Variants in STK32C observed in about 807,000 individuals in gnomAD.
STK32C encodes the protein serine/threonine kinase 32C, also known as serine/threonine-protein kinase 32C.
A neutral mutation model predicts 56.5 loss-of-function variants in STK32C; 31 were observed. The ratio of observed to expected loss-of-function variants is 0.55; its 90% CI spans 0.41 to 0.74. The LOEUF (loss-of-function observed/expected upper bound fraction) is 0.74, where lower values mean the gene tolerates loss of function less well. STK32C is among the 30% of genes least tolerant of loss of function. The probability of loss-of-function intolerance (pLI) is 0.00; values close to 1 mark genes in which losing one functional copy is unlikely to be tolerated. For missense variants in STK32C, 544 were observed against 676.9 expected (o/e 0.80, Z 2.18); for synonymous variants, 309 against 289.4 (o/e 1.07, Z -0.69).
At chr10:132,279,649 C>G (rs1000567159) in intron 1 of STK32C, among the ~76,000 whole-genome samples, 1 of 151,382 alleles carries the variant, frequency 6.6e-6, no homozygotes, top group Non-Finnish European at 1.5e-5. Flanking sequence ...CTGATCATGC[C>G]ACTCCTCCAT....
chr10:132,284,768 C>CA (rs1342167920), intron 1 of STK32C, among the ~76,000 whole-genome samples: 1 of 148,624 alleles, frequency 6.7e-6, no homozygotes, highest in Admixed American at 6.7e-5. Flanking sequence ...GAACACATTC[C>CA]CACGTCTGCC....
chr10:132,222,819 T>A (rs2062730195), intron 9 of STK32C, 42 bp downstream of exon 9: 1 of 1,593,352 alleles, frequency 6.3e-7, no homozygotes. Context: ...GGACGCCACA[T>A]CCATCCCCAG....
intron 1 of STK32C, among the ~76,000 whole-genome samples, chr10:132,276,172 G>A (rs1457400314): frequency 1.3e-5 from 2 of 152,202 alleles, no homozygotes; most frequent in African/African-American, 2.4e-5. Context: ...AAATCAGAAG[G>A]TGGACCCACA....
chr10:132,324,146 G>A (rs2066455654), exon 2 of STK32C: 1 of 698,672 alleles, frequency 1.4e-6, no homozygotes, highest in African/African-American at 1.8e-5. Context: ...GAAAATGGAG[G>A]CCAAGAGCTG....
intron 1 of STK32C, among the ~76,000 whole-genome samples, chr10:132,276,050 G>A (rs567198399): frequency 1.2e-4 from 18 of 152,252 alleles, no homozygotes; most frequent in African/African-American, 3.6e-4. Context: ...GCTGCCACCC[G>A]GTGACGCCAG....
At chr10:132,329,827 C>T (rs1251867734) in intron 1 of STK32C, among the ~76,000 whole-genome samples, 3 of 152,206 alleles carry the variant, frequency 2.0e-5, no homozygotes, top group Admixed American at 6.5e-5. Context: ...TGAGAAGACA[C>T]GGCCAGCGCC....
At position 132,230,679 on chromosome 10, in the gene STK32C, C is replaced by CGGGGGG. The variant is rs377544275; in HGVS notation, c.319-2557_319-2552dup. Reference sequence around the variant, plus strand: ...CTCTTGCTGCTGGGGGGGAAGCTGGCGGGGGGGGGGGGGCTGCAGAGCCCA... The same window carrying CGGGGGG: ...CTCTTGCTGCTGGGGGGGAAGCTGGCGGGGGGGGGGGGGGGGGGGCTGCAGAGCCCA... On this transcript the variant is annotated intron_variant, in intron 2 of 11. Coordinates refer to ENST00000298630, the MANE Select transcript of STK32C (RefSeq NM_173575.4). Among the ~76,000 whole-genome samples the CGGGGGG allele has an allele frequency of 1.6e-4, 8 of 49,674 alleles. No homozygotes were observed. In the South Asian group the frequency reaches 4.3e-3, roughly 26 times the overall value. The allele number at this position is 49,674 out of a possible 152,430, so 32.6% of individuals were successfully genotyped here. A position where few individuals can be genotyped will look rare whatever the true frequency, so the allele number is the denominator to read the frequency against.
chr10:132,273,029 A>AG (rs1383349474), intron 1 of STK32C, among the ~76,000 whole-genome samples: 1 of 152,120 alleles, frequency 6.6e-6, no homozygotes, highest in Non-Finnish European at 1.5e-5. Flanking sequence ...ATCCCTATTT[A>AG]GTGTGTCGTT....
intron 2 of STK32C, among the ~76,000 whole-genome samples, chr10:132,242,660 C>T (rs1050751329): frequency 3.3e-5 from 5 of 152,332 alleles, no homozygotes; most frequent in African/African-American, 4.8e-5. Flanking sequence ...TGCGGCCCCC[C>T]GCGCCCCCTT....
chr10:132,263,534 A>C (rs956363636), intron 1 of STK32C, among the ~76,000 whole-genome samples: 1 of 152,110 alleles, frequency 6.6e-6, no homozygotes, highest in Non-Finnish European at 1.5e-5. Flanking sequence ...CCCAAACCTC[A>C]GCATCACGCA....
intron 1 of STK32C, among the ~76,000 whole-genome samples, chr10:132,280,914 C>G (rs1411207644): frequency 1.4e-5 from 2 of 146,194 alleles, no homozygotes; most frequent in Non-Finnish European, 3.0e-5. Context: ...CATCCTGTGA[C>G]CATGCCCCTG....
At chr10:132,326,878 T>A (rs2066509368) in intron 1 of STK32C, among the ~76,000 whole-genome samples, 1 of 152,224 alleles carries the variant, frequency 6.6e-6, no homozygotes, top group Non-Finnish European at 1.5e-5. Flanking sequence ...GTTGGGGGAC[T>A]CAGACTTTTG....
intron 1 of STK32C, among the ~76,000 whole-genome samples, chr10:132,261,892 GCTC>G (rs1273278583): frequency 2.0e-5 from 3 of 152,190 alleles, no homozygotes; most frequent in South Asian, 2.1e-4. Context: ...CTGATTCAAT[GCTC>G]CTCCTATCAA....
intron 1 of STK32C, among the ~76,000 whole-genome samples, chr10:132,289,820 T>C (rs1328011192): frequency 3.9e-5 from 6 of 152,180 alleles, no homozygotes; most frequent in Non-Finnish European, 8.8e-5. Context: ...GTCCTAATAC[T>C]GTCACTCTGG....
chr10:132,221,110 T>C (rs541892690), intron 10 of STK32C, among the ~76,000 whole-genome samples: 77 of 152,376 alleles, frequency 5.1e-4, no homozygotes, highest in Non-Finnish European at 9.7e-4. Context: ...CCAGCATGCC[T>C]GAGTGAGCAT....
At chr10:132,327,524 G>A (rs556776158) in intron 1 of STK32C, among the ~76,000 whole-genome samples, 1 of 151,794 alleles carries the variant, frequency 6.6e-6, no homozygotes, top group East Asian at 1.9e-4. Context: ...CACCCAGGCT[G>A]GAGTGCAGTG....
chr10:132,207,510 A>G lies in STK32C; in HGVS notation c.*500T>C, dbSNP rs1398749562. 1 of 102,410 alleles carries G rather than the reference A, an allele frequency of 9.8e-6. No homozygotes were observed. The highest frequency in any genetic ancestry group is 3.7e-5 in the African/African-American group (1 of 27,084). 6.3% of individuals were successfully genotyped at this position (102,410 alleles called of 1,614,324 possible). A position where few individuals can be genotyped will look rare whatever the true frequency, so the allele number is the denominator to read the frequency against. ...AACATCGAGCGGTTCTCACATTGTA[A>G]TTCTCAGAGGTGAAAACTACAGAAA... On this transcript the variant is annotated 3_prime_UTR_variant, in exon 12 of 12. Transcript: ENST00000298630.
At chr10:132,295,808 C>T (rs2065727597) in intron 1 of STK32C, among the ~76,000 whole-genome samples, 1 of 151,882 alleles carries the variant, frequency 6.6e-6, no homozygotes, top group South Asian at 2.1e-4. Context: ...CGCTTGAACC[C>T]AGAGGCGGAG....
intron 1 of STK32C, among the ~76,000 whole-genome samples, chr10:132,275,637 A>G (rs998436953): frequency 6.6e-6 from 1 of 152,188 alleles, no homozygotes; most frequent in African/African-American, 2.4e-5. Context: ...GCCAGGGGCC[A>G]GCGCAGTGCA....
Sources: allele counts gnomAD v4.1 joint callset (sites outside exome capture counted in the v4.1 genomes callset), GRCh38; gene constraint gnomAD v4.1.1; transcripts MANE v1.5; gene names NCBI Gene and HGNC (gene_info 2026-07-23, HGNC 2026-07-21).